Variants in OTUD7A observed in about 807,000 individuals in gnomAD.
The protein encoded by OTUD7A is OTU domain-containing protein 7A.
Under a neutral mutation model 65.7 loss-of-function variants are expected in OTUD7A, and 12 were observed. The observed-to-expected ratio is 0.18, with a 90% CI of 0.12 to 0.30. OTUD7A has a LOEUF of 0.30. Among genes scored for constraint, OTUD7A ranks in the 10% least tolerant of loss-of-function variants. The pLI, the probability that OTUD7A is intolerant of heterozygous loss-of-function variation, is 1.00. For missense variants in OTUD7A, 1,148 were observed against 1,304.8 expected (o/e 0.88, Z 1.85); for synonymous variants, 641 against 586.3 (o/e 1.09, Z -1.35).
intron 3 of OTUD7A, among the ~76,000 whole-genome samples, chr15:31,603,844 A>T (rs1220346138): frequency 6.6e-6 from 1 of 152,224 alleles, no homozygotes; most frequent in South Asian, 2.1e-4. Context: ...TATGAAAAAA[A>T]GCTCATCATC....
At chr15:31,510,505 T>TACATATATATGTATATCTATATGTA (rs1161213966) in intron 8 of OTUD7A, among the ~76,000 whole-genome samples, 5 of 142,758 alleles carry the variant, frequency 3.5e-5, no homozygotes, top group African/African-American at 8.3e-5. Flanking sequence ...ATATGTAACA[T>TACATATATATGTATATCTATATGTA]ACATATATAT....
intron 1 of OTUD7A, among the ~76,000 whole-genome samples, chr15:31,772,364 C>G (rs567935814): frequency 6.6e-6 from 1 of 152,022 alleles, no homozygotes; most frequent in East Asian, 1.9e-4. Flanking sequence ...CTTTTTCATT[C>G]ACCTCTATGT....
intron 5 of OTUD7A, chr15:31,558,659 T>C: frequency 2.4e-6 from 1 of 410,652 alleles, no homozygotes; most frequent in Non-Finnish European, 4.4e-6. Context: ...ACGGAGGAGT[T>C]GTCTGGGGAA....
At chr15:31,619,800 C>T (rs1295702158) in intron 3 of OTUD7A, among the ~76,000 whole-genome samples, 1 of 152,162 alleles carries the variant, frequency 6.6e-6, no homozygotes, top group East Asian at 1.9e-4. Flanking sequence ...ACTTCCAACA[C>T]TATGTTGAAT....
chr15:31,794,852 A>T (rs1373755953), intron 1 of OTUD7A, among the ~76,000 whole-genome samples: 1 of 152,236 alleles, frequency 6.6e-6, no homozygotes, highest in Non-Finnish European at 1.5e-5. Context: ...CAATCAACCC[A>T]GATATATGAA....
At chr15:31,722,771 T>C (rs1335667443) in intron 1 of OTUD7A, among the ~76,000 whole-genome samples, 9 of 152,250 alleles carry the variant, frequency 5.9e-5, no homozygotes, top group Admixed American at 2.0e-4. Flanking sequence ...GTCCACTTCG[T>C]GGTCTTACAG....
At chr15:31,613,877 C>T (rs1333901293) in intron 3 of OTUD7A, among the ~76,000 whole-genome samples, 1 of 152,048 alleles carries the variant, frequency 6.6e-6, no homozygotes, top group Non-Finnish European at 1.5e-5. Flanking sequence ...ACTGCAAAAT[C>T]GTGGAACCAA....
At chr15:31,718,720 A>C (rs28459307) in intron 1 of OTUD7A, among the ~76,000 whole-genome samples, 29,518 of 94,758 alleles carry the variant, frequency 0.31, 6,730 homozygotes, top group Middle Eastern at 0.57. Flanking sequence ...CCCAACTTCT[A>C]ATGTTCCCGT....
intron 1 of OTUD7A, among the ~76,000 whole-genome samples, chr15:31,687,615 T>C (rs1401690138): frequency 6.6e-6 from 1 of 152,198 alleles, no homozygotes; most frequent in Admixed American, 6.5e-5. Context: ...CACCTGGCTG[T>C]TGTATGACAG....
At chr15:31,792,982 G>A (rs943924978) in intron 1 of OTUD7A, among the ~76,000 whole-genome samples, 1 of 152,122 alleles carries the variant, frequency 6.6e-6, no homozygotes, top group South Asian at 2.1e-4. Context: ...CGCCGGCCAC[G>A]GGAGACACCA....
chr15:31,863,525 T>A (rs1897799120), intron 1 of OTUD7A, among the ~76,000 whole-genome samples: 1 of 152,202 alleles, frequency 6.6e-6, no homozygotes, highest in Non-Finnish European at 1.5e-5. Flanking sequence ...TGGAAGCTGC[T>A]AAGGTTTGAG....
chr15:31,657,529 T>TG (rs1292688300), intron 1 of OTUD7A, among the ~76,000 whole-genome samples: 1 of 150,460 alleles, frequency 6.6e-6, no homozygotes, highest in Non-Finnish European at 1.5e-5. Context: ...AGCTAATTTT[T>TG]TTTTTGTATT....
rs143105971 is a variant in OTUD7A, at chr15:31,627,747, C to T, written c.151+27349G>A. ...TCCTACTTTTCCACATCCTCTCCAGCACCTGTTGTTTCCTGACTTTTTAAT... is the reference window on the plus strand; with the variant it reads ...TCCTACTTTTCCACATCCTCTCCAGTACCTGTTGTTTCCTGACTTTTTAAT... On this transcript the variant is annotated intron_variant, in intron 3 of 12. Transcript: ENST00000307050. 1.6e-3 allele frequency among the ~76,000 whole-genome samples: 238 copies of T among 152,318 alleles called. 3 individuals are homozygous for T. The East Asian group carries it at 0.042, about 27-fold the overall frequency.
intron 1 of OTUD7A, among the ~76,000 whole-genome samples, chr15:31,738,059 A>C (rs1445580480): frequency 2.0e-5 from 3 of 152,238 alleles, no homozygotes; most frequent in African/African-American, 7.2e-5. Flanking sequence ...ACTGGCTGTA[A>C]AAATGTCACT....
At chr15:31,635,522 T>G (rs7183092) in intron 3 of OTUD7A, among the ~76,000 whole-genome samples, 1 of 152,050 alleles carries the variant, frequency 6.6e-6, no homozygotes, top group East Asian at 1.9e-4. Flanking sequence ...GCCCCGACAC[T>G]GCCTTGCCGC....
At chr15:31,798,204 TGTGGGGGG>T (rs1227738216) in intron 1 of OTUD7A, among the ~76,000 whole-genome samples, 2 of 151,994 alleles carry the variant, frequency 1.3e-5, no homozygotes, top group Non-Finnish European at 2.9e-5. Context: ...ACAGGCATTT[TGTGGGGGG>T]GTGGGGGTCC....
intron 8 of OTUD7A, among the ~76,000 whole-genome samples, chr15:31,509,806 A>G (rs2041652094): frequency 1.3e-5 from 2 of 151,776 alleles, no homozygotes; most frequent in African/African-American, 4.8e-5. Context: ...ACTTTTATAG[A>G]CAATTTTTAA....
chr15:31,866,767 T>C (rs1042342084), intron 1 of OTUD7A, among the ~76,000 whole-genome samples: 1 of 152,222 alleles, frequency 6.6e-6, no homozygotes, highest in Non-Finnish European at 1.5e-5. Flanking sequence ...TAGTGGCGCT[T>C]CCCCTTTAAC....
chr15:31,479,666 G>C lies in OTUD7A; in HGVS notation c.*3628C>G, dbSNP rs889729238. ...ATAAGTTTGTGGACACTAAGTGGGGGGGGGGGGTGATGGGCCCATGACCCC... is the reference window on the plus strand; with the variant it reads ...ATAAGTTTGTGGACACTAAGTGGGGCGGGGGGGTGATGGGCCCATGACCCC... On this transcript the variant is annotated 3_prime_UTR_variant, in exon 13 of 13. Transcript: ENST00000307050. 1.4e-5 allele frequency: 2 copies of C among 147,424 alleles called. No individual in the cohort carries two copies. The highest frequency in any genetic ancestry group is 2.5e-5 in the African/African-American group (1 of 39,550). The allele number at this position is 147,424 out of a possible 1,614,324, so 9.1% of individuals were successfully genotyped here. A position where few individuals can be genotyped will look rare whatever the true frequency, so the allele number is the denominator to read the frequency against.
Sources: allele counts gnomAD v4.1 joint callset (sites outside exome capture counted in the v4.1 genomes callset), GRCh38; gene constraint gnomAD v4.1.1; transcripts MANE v1.5; gene names NCBI Gene and HGNC (gene_info 2026-07-23, HGNC 2026-07-21).